The following RAPGEF3 variants were observed in gnomAD, a reference collection of about 807,000 sequenced individuals.
The protein encoded by RAPGEF3 is Rap guanine nucleotide exchange factor 3, also known as 9330170P05Rik.
In RAPGEF3, 103 loss-of-function variants were observed where a neutral mutation model predicts 129.8. The observed-to-expected ratio is 0.79, with a 90% CI of 0.68 to 0.93. The LOEUF (loss-of-function observed/expected upper bound fraction) is 0.93, where lower values mean the gene tolerates loss of function less well. Among genes scored for constraint, RAPGEF3 ranks in the 40% least tolerant of loss-of-function variants. RAPGEF3 has a pLI of 0.00. For missense variants in RAPGEF3, 1,117 were observed against 1,207.4 expected (o/e 0.93, Z 1.11); for synonymous variants, 436 against 482.6 (o/e 0.90, Z 1.26).
Position 47,734,976 on chromosome 12 carries a change from C to T in RAPGEF3, c.*2591G>A, listed in dbSNP as rs1940755231. 6.6e-6 allele frequency: 1 copy of T among 152,284 alleles called. No homozygotes were observed. The highest frequency in any genetic ancestry group is 2.1e-4 in the South Asian group (1 of 4,836). 9.4% of individuals were successfully genotyped at this position (152,284 alleles called of 1,614,324 possible). ...ACCCCGTCTGTGGGGAGGCGTGGCC[C>T]TCCCTGGTGTGTACCCCACAGTCAG... On this transcript the variant is annotated 3_prime_UTR_variant, in exon 28 of 28. Transcript: ENST00000449771.
At chr12:47,747,520 A>AAATTTCCC (rs1367103606) in intron 15 of RAPGEF3, 24 bp downstream of exon 15, 1 of 1,608,104 alleles carries the variant, frequency 6.2e-7, no homozygotes, top group Non-Finnish European at 8.5e-7. Flanking sequence ...TGGAAATGAC[A>AAATTTCCC]AATTAACAGA....
At position 47,751,112 on chromosome 12, in the gene RAPGEF3, C is replaced by T. The variant is rs1941714225; in HGVS notation, c.607G>A (p.Glu203Lys). The part of the protein sequence containing the change: ...RTHEMEEELA[E>K]AVALLSQRGP... Reference sequence around the variant, plus strand: ...CGCTGGGAGAGCAGGGCCACAGCTTCGGCCAACTCCTCCTCCATCTCATGA... The same window carrying T: ...CGCTGGGAGAGCAGGGCCACAGCTTTGGCCAACTCCTCCTCCATCTCATGA... The change falls in exon 6 of 28, where the codon GAA becomes AAA. Residue 203 changes from glutamate (E) to lysine (K), a missense_variant. Around this residue, in one of 3 missense-constraint regions of RAPGEF3, gnomAD observed 367 missense variants for 373.4 expected, o/e 0.98. Transcript: ENST00000449771. 7.0e-6 allele frequency: 11 copies of T among 1,581,568 alleles called. No individual in the cohort carries two copies. Among genetic ancestry groups the T allele is most frequent in the African/African-American group, 2.7e-5 (2 of 74,522 alleles).
At position 47,736,443 on chromosome 12, in the gene RAPGEF3, T is replaced by A. The variant is rs1940802196; in HGVS notation, c.*1124A>T. 6 of 152,018 alleles carry A rather than the reference T, an allele frequency of 3.9e-5. 1 individual carries two copies. In the South Asian group the frequency reaches 1.2e-3, roughly 32 times the overall value. 9.4% of individuals were successfully genotyped at this position (152,018 alleles called of 1,614,324 possible). A position where few individuals can be genotyped will look rare whatever the true frequency, so the allele number is the denominator to read the frequency against. Reference sequence around the variant, plus strand: ...GCAATAGCAAGGCAAGAGGGTGGAGTCCCTGGAGCTTCCTGGGTGAGCTCT... The same window carrying A: ...GCAATAGCAAGGCAAGAGGGTGGAGACCCTGGAGCTTCCTGGGTGAGCTCT... On this transcript the variant is annotated 3_prime_UTR_variant, in exon 28 of 28. Transcript: ENST00000449771.
intron 2 of RAPGEF3, 53 bp downstream of exon 2, chr12:47,757,813 C>A: frequency 6.7e-7 from 1 of 1,482,570 alleles, no homozygotes; most frequent in South Asian, 1.2e-5. Flanking sequence ...GATCTAGGCC[C>A]CCCTCTAGCT....
rs368681443 is a variant in RAPGEF3 at position 47,750,436 on chromosome 12, A to G, written c.672-11T>C. Reference sequence around the variant, plus strand: ...GTGCGCTGACCTGGGCTGCAGGGACAGGAGGAATGGGAGCACACTGTGAAC... The same window carrying G: ...GTGCGCTGACCTGGGCTGCAGGGACGGGAGGAATGGGAGCACACTGTGAAC... On this transcript the variant is annotated splice_polypyrimidine_tract_variant and intron_variant, in intron 6 of 27. Coordinates refer to ENST00000449771, the MANE Select transcript of RAPGEF3 (RefSeq NM_001098531.4). 1 of 1,610,370 alleles carries G rather than the reference A, an allele frequency of 6.2e-7. No individual in the cohort carries two copies. Among genetic ancestry groups the G allele is most frequent in the African/African-American group, 1.3e-5 (1 of 74,870 alleles).
rs968184395 is a variant in RAPGEF3, at chr12:47,734,999, C to T, written c.*2568G>A. ...CCCTCCCTGGTGTGTACCCCACAGTCAGGGCCTGAGCCTGGCCACAGCCTG... is the reference window on the plus strand; with the variant it reads ...CCCTCCCTGGTGTGTACCCCACAGTTAGGGCCTGAGCCTGGCCACAGCCTG... On this transcript the variant is annotated 3_prime_UTR_variant, in exon 28 of 28. Coordinates refer to ENST00000449771, the MANE Select transcript of RAPGEF3 (RefSeq NM_001098531.4). 1 of 152,316 alleles carries T rather than the reference C, an allele frequency of 6.6e-6. No homozygotes were observed. The highest frequency in any genetic ancestry group is 2.4e-5 in the African/African-American group (1 of 41,466). 9.4% of individuals were successfully genotyped at this position (152,316 alleles called of 1,614,324 possible).
In RAPGEF3 at chr12:47,736,294, G is replaced by A. The variant is rs375053809; in HGVS notation, c.*1273C>T. On this transcript the variant is annotated 3_prime_UTR_variant, in exon 28 of 28. Transcript: ENST00000449771. ...ACATCCATGGGGCTGAAGTGCAGAG[G>A]GGCCATACCAGCTGCCTCTGGACGC... The A allele has an allele frequency of 6.6e-6, 1 of 152,256 alleles. No individual in the cohort carries two copies. The highest frequency in any genetic ancestry group is 6.5e-5 in the Admixed American group (1 of 15,284). The allele number at this position is 152,256 out of a possible 1,614,324, so 9.4% of individuals were successfully genotyped here.
At chr12:47,758,290 T>C in intron 1 of RAPGEF3, 3 of 1,430,976 alleles carry the variant, frequency 2.1e-6, no homozygotes, top group Non-Finnish European at 2.7e-6. Context: ...AGCTGGCTCT[T>C]GGAAAAGATC....
chr12:47,744,009 A>G lies in RAPGEF3; in HGVS notation c.1656T>C (p.Cys552=). 1 of 1,611,146 alleles carries G rather than the reference A, an allele frequency of 6.2e-7. No homozygotes were observed. Among genetic ancestry groups the G allele is most frequent in the Non-Finnish European group, 8.5e-7 (1 of 1,177,358 alleles). ...NQDEPLPGSS[C]AIQVGDKVPY... ...AACCTTTATCCCCAACTTGGATGGC[A>G]CAGCTGCTGCCAGGAAGGGGCTCGT... Residue 552 remains cysteine, a synonymous_variant, in exon 17 of 28, where the codon TGT becomes TGC. Transcript: ENST00000449771.
intron 2 of RAPGEF3, among the ~76,000 whole-genome samples, chr12:47,756,977 AAAAG>A (rs1336330490): frequency 1.3e-5 from 2 of 152,076 alleles, no homozygotes; most frequent in African/African-American, 2.4e-5. Flanking sequence ...AAAAAAAAAA[AAAAG>A]AAAGAAAAGA....
At position 47,749,425 on chromosome 12, in the gene RAPGEF3, G is replaced by T. The variant is rs147783202; in HGVS notation, c.1006C>A (p.Arg336Ser). The T allele has an allele frequency of 2.2e-5, 36 of 1,613,078 alleles. 2 individuals are homozygous for T. The South Asian group carries it at 3.7e-4, about 17-fold the overall frequency. ...CGGTTGAAGTCCTGCTTGTCCACAC[G>T]CAGGAAATGACAGTTGTCTTCTCGC... ...ILREDNCHFL[R>S]VDKQDFNRII... Residue 336 changes from arginine (R) to serine (S), a missense_variant, in exon 10 of 28, where the codon CGT becomes AGT. Transcript: ENST00000449771. The surrounding 1 kb of genome is among the most constrained non-coding windows in gnomAD (Gnocchi z 4.5).
rs1470970905 is a variant in RAPGEF3, at chr12:47,735,993, C to G, written c.*1574G>C. 1 of 152,382 alleles carries G rather than the reference C, an allele frequency of 6.6e-6. No individual in the cohort carries two copies. Among genetic ancestry groups the G allele is most frequent in the Non-Finnish European group, 1.5e-5 (1 of 68,164 alleles). 9.4% of individuals were successfully genotyped at this position (152,382 alleles called of 1,614,324 possible). A position where few individuals can be genotyped will look rare whatever the true frequency, so the allele number is the denominator to read the frequency against. On this transcript the variant is annotated 3_prime_UTR_variant, in exon 28 of 28. Transcript: ENST00000449771. ...GCACCTCAGTCTCTCCCTCAGCCCT[C>G]AACTGAGGCGAGGCTGCCCCCCTAC... is the stretch of plus-strand genomic sequence containing the variant.
Position 47,758,423 on chromosome 12 carries a change from GCT to G in RAPGEF3, c.6+126_6+127del, listed in dbSNP as rs554156289. ...TAGGTCTCCCAGAAATGCAGCTTCG[GCT>G]TAAACCCTTCTCCTCTCCTCCTCAG... On this transcript the variant is annotated intron_variant, in intron 1 of 27. Transcript: ENST00000449771. 350 of 1,555,594 alleles carry G rather than the reference GCT, an allele frequency of 2.2e-4. 1 individual carries two copies. In the African/African-American group the frequency reaches 3.8e-3, roughly 17 times the overall value.
At chr12:47,747,678 C>A in intron 14 of RAPGEF3, 34 bp downstream of exon 14, 2 of 1,611,808 alleles carry the variant, frequency 1.2e-6, no homozygotes, top group South Asian at 1.1e-5. Context: ...CCACCCCGGG[C>A]AGCCCAGCCC....
At chr12:47,746,993 A>ATTCTC in intron 15 of RAPGEF3, 94 bp from the exon 16 acceptor site, 1 of 1,277,404 alleles carries the variant, frequency 7.8e-7, no homozygotes, top group Non-Finnish European at 1.1e-6. Flanking sequence ...CCCGGCCCTC[A>ATTCTC]CCAGTGGTTC....
chr12:47,752,330 A>G (rs1941803883), intron 2 of RAPGEF3, among the ~76,000 whole-genome samples: 1 of 152,216 alleles, frequency 6.6e-6, no homozygotes, highest in African/African-American at 2.4e-5. Context: ...ACATGAGATA[A>G]GAAGACCTGG....
intron 2 of RAPGEF3, chr12:47,756,455 G>A (rs1002978391): frequency 7.2e-5 from 11 of 152,290 alleles, no homozygotes; most frequent in African/African-American, 2.4e-4. Context: ...AGGGGTAGCG[G>A]AGGAGGACCC....
Position 47,740,944 on chromosome 12 carries a change from C to T in RAPGEF3, c.2020G>A (p.Asp674Asn). 1.2e-6 allele frequency: 2 copies of T among 1,613,956 alleles called. No individual in the cohort carries two copies. The highest frequency in any genetic ancestry group is 1.7e-6 in the Non-Finnish European group (2 of 1,180,004). The change falls in exon 20 of 28, where the codon GAC (aspartate) becomes AAC (asparagine). Residue 674 changes from aspartate (D) to asparagine (N), a missense_variant. Physicochemically the swap from Asp to Asn is conservative, Grantham distance 23. This residue lies in a region of RAPGEF3 where 643 missense variants were observed against 673.4 expected (regional missense o/e 0.95). Coordinates refer to ENST00000449771, the MANE Select transcript of RAPGEF3 (RefSeq NM_001098531.4). ...KDLAGQLTDH[D>N]WSLFNSIHQV... ...TGGATACTGTTGAAGAGGCTCCAGT[C>T]GTGGTCCGTCAGCTGGCCTGCCAGG...
chr12:47,749,900 G>T lies in RAPGEF3; in HGVS notation c.817+30C>A. 6.2e-7 allele frequency: 1 copy of T among 1,614,122 alleles called. No homozygotes were observed. The highest frequency in any genetic ancestry group is 1.7e-5 in the Admixed American group (1 of 60,028). ...CCTTCTGCCCATGTCCAGGCCCTGT[G>T]CCTGGCTTCTTATGCCCTGCTGGAC... On this transcript the variant is annotated intron_variant, in intron 8 of 27. Coordinates refer to ENST00000449771, the MANE Select transcript of RAPGEF3 (RefSeq NM_001098531.4). This position sits in a 1 kb window ranked among gnomAD's most constrained non-coding sequence, Gnocchi z 4.5.
Sources: allele counts gnomAD v4.1 joint callset (sites outside exome capture counted in the v4.1 genomes callset), GRCh38; gene constraint gnomAD v4.1.1; regional missense constraint gnomAD v4.1.1; non-coding constraint Gnocchi (gnomAD v3.1); transcripts MANE v1.5; gene names NCBI Gene and HGNC (gene_info 2026-07-23, HGNC 2026-07-21).